Variants in NBAS observed in about 807,000 individuals in gnomAD.
NBAS encodes NAG/BC035112 fusion.
Under a neutral mutation model 302.5 loss-of-function variants are expected in NBAS, and 219 were observed. The ratio of observed to expected loss-of-function variants is 0.72; its 90% CI spans 0.65 to 0.81. The LOEUF is 0.81. Among genes scored for constraint, NBAS ranks in the 30% least tolerant of loss-of-function variants. NBAS has a pLI of 0.00. For missense variants in NBAS, 2,932 were observed against 2,841.6 expected (o/e 1.03, Z -0.72); for synonymous variants, 1,118 against 1,021.6 (o/e 1.09, Z -1.80).
chr2:15,525,599 C>G (rs1662879876), intron 9 of NBAS, among the ~76,000 whole-genome samples: 1 of 152,134 alleles, frequency 6.6e-6, no homozygotes, highest in South Asian at 2.1e-4. Flanking sequence ...GTCAAAGGGT[C>G]ATCAAGGAAT....
chr2:15,099,680 G>A, the NBAS span, among the ~76,000 whole-genome samples: 2 of 151,776 alleles, frequency 1.3e-5, no homozygotes, highest in Non-Finnish European at 2.9e-5. Flanking sequence ...TAGTGCACAC[G>A]GGATCCTGTT....
At chr2:15,128,705 G>A in the NBAS span, among the ~76,000 whole-genome samples, 9 of 152,138 alleles carry the variant, frequency 5.9e-5, no homozygotes, top group Admixed American at 1.3e-4. Flanking sequence ...GGCCTAGGGC[G>A]AATGGGAAAT....
intron 44 of NBAS, among the ~76,000 whole-genome samples, chr2:15,256,721 G>A (rs1324401381): frequency 6.6e-6 from 1 of 152,120 alleles, no homozygotes; most frequent in Non-Finnish European, 1.5e-5. Context: ...TTACCTTGAG[G>A]TATGTCCCTT....
chr2:15,155,908 T>C, the NBAS span, among the ~76,000 whole-genome samples: 1 of 152,168 alleles, frequency 6.6e-6, no homozygotes. Context: ...CCGGGTGTTA[T>C]TCGGTGCCAA....
At chr2:15,196,138 G>T (rs1414154583) in intron 48 of NBAS, among the ~76,000 whole-genome samples, 1 of 152,068 alleles carries the variant, frequency 6.6e-6, no homozygotes, top group Non-Finnish European at 1.5e-5. Context: ...ATTTGCCTCG[G>T]GCTCTCTCTG....
chr2:15,034,466 A>C, the NBAS span, among the ~76,000 whole-genome samples: 1 of 152,206 alleles, frequency 6.6e-6, no homozygotes, highest in East Asian at 1.9e-4. Flanking sequence ...CAGCTTTCAG[A>C]ACTGTGAAAA....
the NBAS span, among the ~76,000 whole-genome samples, chr2:15,138,063 C>T: frequency 1.3e-5 from 2 of 152,128 alleles, no homozygotes; most frequent in African/African-American, 4.8e-5. Flanking sequence ...ACAGAATGGT[C>T]CAGCAAGTCC....
intron 47 of NBAS, among the ~76,000 whole-genome samples, chr2:15,226,644 G>C (rs1667162694): frequency 1.3e-5 from 2 of 152,132 alleles, no homozygotes; most frequent in Non-Finnish European, 2.9e-5. Context: ...CATGTCTAGA[G>C]GCAAGAACGT....
the NBAS span, among the ~76,000 whole-genome samples, chr2:15,151,901 G>A: frequency 1.3e-5 from 2 of 152,094 alleles, no homozygotes; most frequent in South Asian, 2.1e-4. Context: ...AAGCTGGAGT[G>A]CAGTGGCGCA....
the NBAS span, among the ~76,000 whole-genome samples, chr2:15,056,896 T>G: frequency 6.7e-5 from 10 of 149,988 alleles, no homozygotes; most frequent in African/African-American, 2.5e-4. Flanking sequence ...TGGTGCGATC[T>G]CAGCTCACTG....
At chr2:14,985,852 GA>G in the NBAS span, among the ~76,000 whole-genome samples, 1 of 152,186 alleles carries the variant, frequency 6.6e-6, no homozygotes, top group African/African-American at 2.4e-5. Flanking sequence ...TATTAATTCT[GA>G]AAAGGTATGT....
rs1412579236 is a variant in NBAS at position 15,463,428 on chromosome 2, C to T, written c.2098-1637G>A. Among the ~76,000 whole-genome samples, 6 of 152,226 alleles carry T rather than the reference C, an allele frequency of 3.9e-5. No homozygotes were observed. The East Asian group carries it at 1.2e-3, about 29-fold the overall frequency. On this transcript the variant is annotated intron_variant, in intron 19 of 51. Coordinates refer to ENST00000281513, the MANE Select transcript of NBAS (RefSeq NM_015909.4). ...CAATGTCTAACCCCGACTCTGTGAT[C>T]ACCGCTCCTAATCTTCCTAGTCGCA...
At chr2:15,465,063 C>A (rs909862717) in intron 19 of NBAS, among the ~76,000 whole-genome samples, 1 of 152,220 alleles carries the variant, frequency 6.6e-6, no homozygotes, top group Non-Finnish European at 1.5e-5. Context: ...TAGTACCCAT[C>A]TCATAAGACA....
chr2:15,002,948 G>A, the NBAS span, among the ~76,000 whole-genome samples: 3 of 152,244 alleles, frequency 2.0e-5, no homozygotes, highest in East Asian at 1.9e-4. Flanking sequence ...TGAGGGAGCC[G>A]GCTCCGGCCT....
the NBAS span, among the ~76,000 whole-genome samples, chr2:15,159,983 G>C: frequency 6.6e-6 from 1 of 152,132 alleles, no homozygotes; most frequent in South Asian, 2.1e-4. Context: ...CAAAAATCTA[G>C]CAATAAGATT....
chr2:14,814,522 G>C, the NBAS span, among the ~76,000 whole-genome samples: 1 of 152,248 alleles, frequency 6.6e-6, no homozygotes, highest in Non-Finnish European at 1.5e-5. Context: ...CTTGCATGAG[G>C]TCTGTGGTCC....
At chr2:15,489,576 T>G (rs1680770991) in intron 11 of NBAS, among the ~76,000 whole-genome samples, 1 of 152,198 alleles carries the variant, frequency 6.6e-6, no homozygotes, top group South Asian at 2.1e-4. Context: ...AGAAATGCTA[T>G]GAATGTTTAC....
intron 44 of NBAS, among the ~76,000 whole-genome samples, chr2:15,247,726 C>CTATATATATATCTATATATATCTA (rs1553352067): frequency 6.7e-6 from 1 of 148,882 alleles, no homozygotes; most frequent in Admixed American, 6.8e-5. Flanking sequence ...ATATATACCT[C>CTATATATATATCTATATATATCTA]TATCTATAGA....
chr2:15,443,760 T>C (rs978420411), intron 21 of NBAS, among the ~76,000 whole-genome samples: 2 of 151,686 alleles, frequency 1.3e-5, no homozygotes, highest in South Asian at 4.2e-4. Flanking sequence ...AACCCCACTG[T>C]CTCAGCCCAA....
Sources: gnomAD v4.1 joint callset for allele counts (sites outside exome capture counted in the v4.1 genomes callset) on GRCh38, gnomAD v4.1.1 for gene constraint, MANE v1.5 for transcripts, NCBI Gene and HGNC (gene_info 2026-07-23, HGNC 2026-07-21) for gene names.